Variants in PPP2R3A observed in about 807,000 individuals in gnomAD.
PPP2R3A encodes serine/threonine-protein phosphatase 2A regulatory subunit B'' subunit alpha.
A neutral mutation model predicts 106.9 loss-of-function variants in PPP2R3A; 80 were observed. That is an observed-to-expected ratio of 0.75 (90% CI 0.62 to 0.90). PPP2R3A has a LOEUF of 0.90. PPP2R3A is among the 40% of genes least tolerant of loss of function. PPP2R3A has a pLI of 0.00. For missense variants in PPP2R3A, 1,386 were observed against 1,350.4 expected, an observed-to-expected ratio of 1.03 and a Z score of -0.41; for synonymous variants, 483 against 468.3, an observed-to-expected ratio of 1.03 and a Z score of -0.41.
chr3:135,975,882 C>T (rs985365673), intron 1 of PPP2R3A, among the ~76,000 whole-genome samples: 1 of 152,116 alleles, frequency 6.6e-6, no homozygotes, highest in Non-Finnish European at 1.5e-5. Context: ...TGAATACGTT[C>T]TCTTTGTAAG....
intron 10 of PPP2R3A, among the ~76,000 whole-genome samples, chr3:136,096,070 T>C (rs1196154803): frequency 6.6e-6 from 1 of 152,236 alleles, no homozygotes; most frequent in Non-Finnish European, 1.5e-5. Context: ...TATAATAAAG[T>C]ATTGAGTATC....
chr3:136,132,376 T>G (rs543774642), intron 13 of PPP2R3A, among the ~76,000 whole-genome samples: 61 of 152,148 alleles, frequency 4.0e-4, no homozygotes, highest in African/African-American at 1.4e-3. Flanking sequence ...CTAAGGAATC[T>G]ACATAAAAGA....
intron 1 of PPP2R3A, among the ~76,000 whole-genome samples, chr3:136,000,525 G>A (rs1933580441): frequency 6.6e-6 from 1 of 152,190 alleles, no homozygotes; most frequent in Non-Finnish European, 1.5e-5. Flanking sequence ...GCAAAAAGAA[G>A]ATGATGGGAG....
At chr3:136,039,893 A>G (rs924143891) in intron 3 of PPP2R3A, among the ~76,000 whole-genome samples, 6 of 152,194 alleles carry the variant, frequency 3.9e-5, no homozygotes, top group Admixed American at 6.5e-5. Flanking sequence ...AGAAAAATCA[A>G]TACCTTTTAG....
At chr3:135,974,089 C>G (rs1034664167) in intron 1 of PPP2R3A, among the ~76,000 whole-genome samples, 2 of 152,184 alleles carry the variant, frequency 1.3e-5, no homozygotes, top group African/African-American at 4.8e-5. Context: ...TTGATTATTC[C>G]TCTTTCTTTG....
intron 13 of PPP2R3A, among the ~76,000 whole-genome samples, chr3:136,122,365 A>G (rs1032324134): frequency 3.9e-5 from 6 of 152,174 alleles, no homozygotes; most frequent in Non-Finnish European, 2.9e-5. Context: ...CTCCCTCCAT[A>G]TATGTGAAGG....
chr3:136,020,449 A>T (rs1365974054), intron 2 of PPP2R3A, among the ~76,000 whole-genome samples: 1 of 152,102 alleles, frequency 6.6e-6, no homozygotes, highest in Non-Finnish European at 1.5e-5. Context: ...GTTTCTTTAG[A>T]GAGAGAACAT....
At chr3:135,993,139 C>T (rs1315573009) in intron 1 of PPP2R3A, among the ~76,000 whole-genome samples, 5 of 151,986 alleles carry the variant, frequency 3.3e-5, no homozygotes, top group South Asian at 2.1e-4. Flanking sequence ...CTTCAAAAGC[C>T]ACTGCTAAGA....
intron 13 of PPP2R3A, among the ~76,000 whole-genome samples, chr3:136,130,605 G>T (rs1191277588): frequency 2.6e-5 from 4 of 151,978 alleles, no homozygotes; most frequent in Non-Finnish European, 5.9e-5. Flanking sequence ...TATAGATGCA[G>T]TGCCATCCCC....
intron 1 of PPP2R3A, among the ~76,000 whole-genome samples, chr3:135,970,611 T>C (rs770026166): frequency 1.3e-5 from 2 of 152,148 alleles, no homozygotes; most frequent in Non-Finnish European, 2.9e-5. Context: ...CCATTTTAGA[T>C]TGGAAGAGGC....
At chr3:135,985,407 T>C (rs1442150577) in intron 1 of PPP2R3A, among the ~76,000 whole-genome samples, 1 of 147,096 alleles carries the variant, frequency 6.8e-6, no homozygotes, top group Non-Finnish European at 1.5e-5. Context: ...TCCCTCTCTC[T>C]CTCGCTCTCT....
At chr3:136,043,703 A>G (rs1345730980) in intron 4 of PPP2R3A, among the ~76,000 whole-genome samples, 3 of 152,220 alleles carry the variant, frequency 2.0e-5, no homozygotes, top group Non-Finnish European at 4.4e-5. Flanking sequence ...ACTCATCTCA[A>G]ATGGAATCAA....
intron 1 of PPP2R3A, among the ~76,000 whole-genome samples, chr3:135,974,145 C>T (rs933503771): frequency 6.6e-6 from 1 of 152,222 alleles, no homozygotes; most frequent in Non-Finnish European, 1.5e-5. Context: ...GCATTTCCCT[C>T]TCACCTTATT....
chr3:135,985,043 G>A (rs1005251118), intron 1 of PPP2R3A, among the ~76,000 whole-genome samples: 4 of 151,994 alleles, frequency 2.6e-5, no homozygotes, highest in South Asian at 2.1e-4. Context: ...TCTCCCTCCC[G>A]CAACATGTGG....
intron 8 of PPP2R3A, among the ~76,000 whole-genome samples, chr3:136,086,499 T>A (rs1194279134): frequency 3.9e-5 from 6 of 152,042 alleles, no homozygotes; most frequent in Non-Finnish European, 8.8e-5. Flanking sequence ...TCCATAATTA[T>A]CCACTCACCA....
At chr3:136,137,130 T>C (rs572917255) in intron 13 of PPP2R3A, among the ~76,000 whole-genome samples, 1 of 152,334 alleles carries the variant, frequency 6.6e-6, no homozygotes, top group Admixed American at 6.5e-5. Context: ...TCTTATGGTT[T>C]ATGCAATGGA....
intron 1 of PPP2R3A, among the ~76,000 whole-genome samples, chr3:135,999,271 T>C (rs1325604827): frequency 6.6e-6 from 1 of 152,218 alleles, no homozygotes; most frequent in Non-Finnish European, 1.5e-5. Flanking sequence ...ATTCTCTCCA[T>C]TTTGCCGTTG....
intron 9 of PPP2R3A, among the ~76,000 whole-genome samples, chr3:136,089,261 T>C (rs1268261105): frequency 1.3e-5 from 2 of 152,180 alleles, no homozygotes; most frequent in Non-Finnish European, 2.9e-5. Context: ...ATTTTTTATA[T>C]GGTAAAAAGT....
At chr3:135,986,108 A>G (rs1417866423) in intron 1 of PPP2R3A, among the ~76,000 whole-genome samples, 1 of 152,164 alleles carries the variant, frequency 6.6e-6, no homozygotes, top group Non-Finnish European at 1.5e-5. Flanking sequence ...AAAAAGAGTC[A>G]TCATCTAAAA....
Sources: allele counts gnomAD v4.1 joint callset (sites outside exome capture counted in the v4.1 genomes callset), GRCh38; gene constraint gnomAD v4.1.1; transcripts MANE v1.5; gene names NCBI Gene and HGNC (gene_info 2026-07-23, HGNC 2026-07-21).